Variants in TBC1D32 observed in about 807,000 individuals in gnomAD.
TBC1D32 encodes the protein protein broad-minded.
A neutral mutation model predicts 170.3 loss-of-function variants in TBC1D32; 151 were observed. The ratio of observed to expected loss-of-function variants is 0.89; its 90% CI spans 0.78 to 1.01. The LOEUF is 1.01. Among genes scored for constraint, TBC1D32 ranks in the 50% least tolerant of loss-of-function variants. The pLI is 0.00. For missense variants in TBC1D32, 1,464 were observed against 1,457.1 expected, an observed-to-expected ratio of 1.00 and a Z score of -0.08; for synonymous variants, 498 against 488.0, an observed-to-expected ratio of 1.02 and a Z score of -0.27.
Position 121,279,133 on chromosome 6 carries a change from G to A in TBC1D32, c.1721C>T (p.Ser574Phe). ...AAATAGCACATACCTTTCTTCAGAA[G>A]AGTTCATATTTGCTCCATAAAGGAG... ...ILLLYGANMN[S>F]SEESPTGAHI... The change falls in exon 15 of 32, where the codon TCT becomes TTT. Residue 574 changes from serine (S) to phenylalanine (F), a missense_variant. This residue lies in a region of TBC1D32 where 1,363 missense variants were observed against 1,338.1 expected (regional missense o/e 1.02). Coordinates refer to ENST00000398212, the MANE Select transcript of TBC1D32 (RefSeq NM_152730.6). 6.3e-7 allele frequency: 1 copy of A among 1,597,494 alleles called. No individual in the cohort carries two copies. The highest frequency in any genetic ancestry group is 8.5e-7 in the Non-Finnish European group (1 of 1,175,864).
intron 22 of TBC1D32, among the ~76,000 whole-genome samples, chr6:121,195,980 T>C (rs1790680162): frequency 6.6e-6 from 1 of 152,186 alleles, no homozygotes; most frequent in African/African-American, 2.4e-5. Flanking sequence ...GTAAGGGACT[T>C]GGAAGACACA....
chr6:121,289,287 G>A (rs570950949), intron 12 of TBC1D32, among the ~76,000 whole-genome samples: 4 of 152,258 alleles, frequency 2.6e-5, no homozygotes, highest in South Asian at 2.1e-4. Flanking sequence ...TCCTTAAGCT[G>A]ATAGGCAACT....
intron 21 of TBC1D32, among the ~76,000 whole-genome samples, chr6:121,216,901 G>C (rs537047345): frequency 3.9e-5 from 6 of 152,262 alleles, no homozygotes; most frequent in Non-Finnish European, 8.8e-5. Context: ...CTAAGGTGAG[G>C]GCTATTATGT....
chr6:121,157,629 C>T (rs4946546), intron 24 of TBC1D32, among the ~76,000 whole-genome samples: 9,878 of 152,104 alleles, frequency 0.065, 623 homozygotes, highest in Admixed American at 0.21. Context: ...TGTGTCTTTG[C>T]GGTAGCAGGT....
chr6:121,220,861 G>A (rs80244244), intron 21 of TBC1D32, among the ~76,000 whole-genome samples: 11 of 151,942 alleles, frequency 7.2e-5, no homozygotes, highest in East Asian at 1.9e-4. Flanking sequence ...GGCTGCTCTC[G>A]AACTCCAGAC....
In TBC1D32 at chr6:121,081,966, C is replaced by A. The variant is rs149641908; in HGVS notation, c.3655-1076G>T. Among the ~76,000 whole-genome samples, 3 of 152,098 alleles carry A rather than the reference C, an allele frequency of 2.0e-5. No homozygotes were observed. The East Asian group carries it at 5.8e-4, about 29-fold the overall frequency. On this transcript the variant is annotated intron_variant, in intron 31 of 31. Coordinates refer to ENST00000398212, the MANE Select transcript of TBC1D32 (RefSeq NM_152730.6). ...CTGATCTACAAGGCTGATATTACAG[C>A]TGAAGAAATGAAATGGTGTTGTTAT...
chr6:121,131,731 A>T lies in TBC1D32; in HGVS notation c.2795T>A (p.Leu932Ter). Residue 932 changes from leucine (L) to a stop codon, truncating the protein, a stop_gained, in exon 25 of 32, where the codon TTA (leucine) becomes TAA (stop). Coordinates refer to ENST00000398212, the MANE Select transcript of TBC1D32 (RefSeq NM_152730.6). LOFTEE classifies it high-confidence loss of function. ...IKQDNDLDKL[L>*]LCLKISDKQT... ...TTTATCAGATATTTTGAGGCATAAT[A>T]AAAGCTTGTCAAGATCATTGTCTAA... 6.2e-7 allele frequency: 1 copy of T among 1,601,620 alleles called. No homozygotes were observed. Among genetic ancestry groups the T allele is most frequent in the Non-Finnish European group, 8.5e-7 (1 of 1,171,014 alleles).
rs752141644 is a variant in TBC1D32, at chr6:121,115,258, A to G, written c.2984-17T>C. ...CATCAGTAGCTAAAGACAACAGAAA[A>G]CTGAGTTATAAAGTGCAGAAAAGTT... On this transcript the variant is annotated splice_polypyrimidine_tract_variant and intron_variant, in intron 26 of 31. Transcript: ENST00000398212. 6.4e-7 allele frequency: 1 copy of G among 1,573,938 alleles called. No homozygotes were observed. Among genetic ancestry groups the G allele is most frequent in the Non-Finnish European group, 8.6e-7 (1 of 1,156,504 alleles).
At chr6:121,091,394 G>A (rs757656879) in intron 30 of TBC1D32, among the ~76,000 whole-genome samples, 10 of 151,940 alleles carry the variant, frequency 6.6e-5, no homozygotes, top group Admixed American at 4.6e-4. Flanking sequence ...ATTCAGAGAT[G>A]GGAGTTTTTT....
chr6:121,296,027 G>T (rs1182164996), intron 10 of TBC1D32, among the ~76,000 whole-genome samples: 1 of 152,122 alleles, frequency 6.6e-6, no homozygotes, highest in Admixed American at 6.5e-5. Flanking sequence ...GTACCAGGCA[G>T]AGGGTTTCTA....
At chr6:121,145,871 T>C (rs148505690) in intron 24 of TBC1D32, among the ~76,000 whole-genome samples, 233 of 152,034 alleles carry the variant, frequency 1.5e-3, no homozygotes, top group African/African-American at 5.2e-3. Flanking sequence ...GTTAATGGAT[T>C]AATGGTCTGT....
intron 15 of TBC1D32, among the ~76,000 whole-genome samples, chr6:121,263,170 G>A (rs569735749): frequency 1.1e-4 from 16 of 151,628 alleles, no homozygotes; most frequent in Non-Finnish European, 2.4e-4. Flanking sequence ...TCAGTGTGCT[G>A]TATTCAAGAG....
In TBC1D32 at chr6:121,242,340, C is replaced by T; in HGVS notation, c.2019-1G>A. The T allele has an allele frequency of 6.2e-7, 1 of 1,611,248 alleles. No homozygotes were observed. Among genetic ancestry groups the T allele is most frequent in the East Asian group, 2.2e-5 (1 of 44,698 alleles). On this transcript the variant is annotated splice_acceptor_variant, in intron 17 of 31. Transcript: ENST00000398212. LOFTEE classifies it high-confidence loss of function. ...TAACAAATTATCTTCCCAAGCCATA[C>T]TGAAATAGGTAAAAGAAAGGTAGAG...
rs201382292 is a variant in TBC1D32, at chr6:121,112,550, C to A, written c.3279G>T (p.Arg1093Ser). 26 of 1,610,538 alleles carry A rather than the reference C, an allele frequency of 1.6e-5. No individual in the cohort carries two copies. Among genetic ancestry groups the A allele is most frequent in the Non-Finnish European group, 8.5e-7 (1 of 1,177,994 alleles). ...ACCAAAGAAAAGCAGAAGTCAGAAG[C>A]CTGGAGAATTGATGAAGAAATTGGA... ...KTFQFLHQFS[R>S]LLTSAFLWLP... The change falls in exon 29 of 32, where the codon AGG (arginine) becomes AGT (serine). Residue 1093 changes from arginine (R) to serine (S), a missense_variant. This residue lies in a region of TBC1D32 where 1,363 missense variants were observed against 1,338.1 expected (regional missense o/e 1.02). Transcript: ENST00000398212.
chr6:121,081,082 TC>T (rs1173724979), intron 31 of TBC1D32, among the ~76,000 whole-genome samples, 192 bp from the exon 32 acceptor site: 1 of 152,060 alleles, frequency 6.6e-6, no homozygotes, highest in Non-Finnish European at 1.5e-5. Context: ...AAACTATATG[TC>T]CCCCTTAAAT....
At chr6:121,121,284 G>A (rs1463138029) in intron 26 of TBC1D32, among the ~76,000 whole-genome samples, 1 of 152,018 alleles carries the variant, frequency 6.6e-6, no homozygotes, top group Non-Finnish European at 1.5e-5. Flanking sequence ...CATCCATCTA[G>A]AAGGAACAAC....
At chr6:121,241,098 A>G (rs1242988240) in intron 19 of TBC1D32, among the ~76,000 whole-genome samples, 4 of 152,132 alleles carry the variant, frequency 2.6e-5, no homozygotes, top group Non-Finnish European at 5.9e-5. Flanking sequence ...GCCACTGACA[A>G]TAAGCATTAG....
At chr6:121,323,073 G>A (rs980875034) in intron 1 of TBC1D32, among the ~76,000 whole-genome samples, 1 of 152,062 alleles carries the variant, frequency 6.6e-6, no homozygotes, top group African/African-American at 2.4e-5. Flanking sequence ...GGCACTAACA[G>A]CATTATTTTT....
chr6:121,331,198 T>TTTGTTG (rs59446339), intron 1 of TBC1D32, among the ~76,000 whole-genome samples: 13 of 151,704 alleles, frequency 8.6e-5, no homozygotes, highest in Middle Eastern at 3.4e-3. Context: ...TTTTTGGTTT[T>TTTGTTG]TTGTTGTTGT....
Sources: allele counts gnomAD v4.1 joint callset (sites outside exome capture counted in the v4.1 genomes callset), GRCh38; gene constraint gnomAD v4.1.1; regional missense constraint gnomAD v4.1.1; transcripts MANE v1.5; gene names NCBI Gene and HGNC (gene_info 2026-07-23, HGNC 2026-07-21).